Variants in CLCA2 observed in about 807,000 individuals in gnomAD.
CLCA2 encodes calcium-activated chloride channel regulator 2.
CLCA2 carries 85 observed loss-of-function variants against 82.9 expected under a neutral mutation model. The observed-to-expected ratio is 1.03, with a 90% confidence interval of 0.86 to 1.23. The LOEUF is 1.23. Among genes scored for constraint, CLCA2 ranks in the 50% most tolerant of loss-of-function variants. CLCA2 has a pLI of 0.00. For synonymous variants in CLCA2, 421 were observed against 391.7 expected, an observed-to-expected ratio of 1.07 and a Z score of -0.88; for missense variants, 1,089 against 1,124.8, an observed-to-expected ratio of 0.97 and a Z score of 0.45.
At chr1:86,444,185 A>C (rs1662801844) in intron 10 of CLCA2, among the ~76,000 whole-genome samples, 174 bp downstream of exon 10, 1 of 152,248 alleles carries the variant, frequency 6.6e-6, no homozygotes, top group African/African-American at 2.4e-5. Context: ...GGAATAACTA[A>C]GGTATATTCC....
chr1:86,435,540 G>A (rs1458934438), intron 6 of CLCA2, among the ~76,000 whole-genome samples: 1 of 152,186 alleles, frequency 6.6e-6, no homozygotes, highest in South Asian at 2.1e-4. Context: ...ACTGATTAAA[G>A]TCTTAGTCTC....
At position 86,441,504 on chromosome 1, in the gene CLCA2, T is replaced by A. The variant is rs1306659848; in HGVS notation, c.1449T>A (p.Ile483=). 1 of 1,612,246 alleles carries A rather than the reference T, an allele frequency of 6.2e-7. No individual in the cohort carries two copies. Among genetic ancestry groups the A allele is most frequent in the Admixed American group, 1.7e-5 (1 of 59,988 alleles). ...GCATGATTGATGCTTTCAGTAGAAT[T>A]TCCTCTGGAACTGGAGACATTTTCC... ...SNSMIDAFSR[I]SSGTGDIFQQ... Residue 483 remains isoleucine (I), a synonymous_variant, in exon 9 of 14, where the codon ATT becomes ATA. Coordinates refer to ENST00000370565, the MANE Select transcript of CLCA2 (RefSeq NM_006536.7).
chr1:86,455,327 G>GT lies in CLCA2; in HGVS notation c.2633dup (p.Ser879IlefsTer2). 1 of 1,613,746 alleles carries GT rather than the reference G, an allele frequency of 6.2e-7. No individual in the cohort carries two copies. Among genetic ancestry groups the GT allele is most frequent in the African/African-American group, 1.3e-5 (1 of 75,030 alleles). On this transcript the variant is annotated frameshift_variant, in exon 14 of 14. Transcript: ENST00000370565. LOFTEE classifies it low-confidence loss of function (END_TRUNC). ...GGATAGGAACTCCTTACAGTCTGCT[G>GT]TATCTAACATTGCCCAGGCGCCTCT...
rs1355272765 is a variant in CLCA2, at chr1:86,447,624, T to G, written c.1830T>G (p.Phe610Leu). The change falls in exon 11 of 14, where the codon TTT (phenylalanine) becomes TTG (leucine). Residue 610 changes from phenylalanine to leucine, a missense_variant. Physicochemically the swap from Phe to Leu is conservative, Grantham distance 22 (BLOSUM62 0). Transcript: ENST00000370565. The part of the protein sequence containing the change: ...SAVPPATVEA[F>L]VERDSLHFPH... Reference sequence around the variant, plus strand: ...TGCCCCCAGCCACTGTGGAAGCCTTTGTGGAAAGAGACAGCCTCCATTTTC... The same window carrying G: ...TGCCCCCAGCCACTGTGGAAGCCTTGGTGGAAAGAGACAGCCTCCATTTTC... 2.5e-6 allele frequency: 4 copies of G among 1,614,014 alleles called. No homozygotes were observed. In the African/African-American group the frequency reaches 5.3e-5, roughly 22 times the overall value.
At chr1:86,428,279 T>C in intron 2 of CLCA2, 139 bp from the exon 3 acceptor site, 1 of 731,120 alleles carries the variant, frequency 1.4e-6, no homozygotes, top group Non-Finnish European at 2.0e-6. Flanking sequence ...TCAATTTTGT[T>C]TTTAAATTGG....
At chr1:86,441,576 G>C (rs1388704833) in intron 9 of CLCA2, 33 bp downstream of exon 9, 1 of 1,425,276 alleles carries the variant, frequency 7.0e-7, no homozygotes, top group East Asian at 2.3e-5. Context: ...ATTTCCAGGT[G>C]GGGAGTGGGA....
chr1:86,433,854 A>G (rs1662547339), intron 5 of CLCA2, among the ~76,000 whole-genome samples: 1 of 152,230 alleles, frequency 6.6e-6, no homozygotes, highest in African/African-American at 2.4e-5. Flanking sequence ...GACTCTTTGT[A>G]GGAATAGAGC....
intron 7 of CLCA2, among the ~76,000 whole-genome samples, chr1:86,439,902 A>G (rs1013157627): frequency 6.6e-6 from 1 of 152,194 alleles, no homozygotes; most frequent in Middle Eastern, 3.2e-3. Flanking sequence ...CACATCTTCT[A>G]TGATGGATAC....
intron 6 of CLCA2, 67 bp from the exon 7 acceptor site, chr1:86,438,809 T>A: frequency 7.7e-7 from 1 of 1,299,204 alleles, no homozygotes; most frequent in East Asian, 2.3e-5. Flanking sequence ...GCTAATTGAG[T>A]TACTTCATCA....
At chr1:86,446,049 C>T (rs1043720451) in intron 10 of CLCA2, among the ~76,000 whole-genome samples, 14 of 152,150 alleles carry the variant, frequency 9.2e-5, no homozygotes, top group African/African-American at 3.1e-4. Context: ...CATGGACTCC[C>T]CCTGCTCCCA....
intron 2 of CLCA2, 27 bp downstream of exon 2, chr1:86,425,503 A>T: frequency 6.7e-7 from 1 of 1,488,222 alleles, no homozygotes; most frequent in Non-Finnish European, 9.0e-7. Context: ...TCATTCAATG[A>T]TCTCAAGGGG....
intron 13 of CLCA2, among the ~76,000 whole-genome samples, chr1:86,454,706 C>T (rs1048691675): frequency 3.9e-5 from 6 of 152,194 alleles, no homozygotes; most frequent in Admixed American, 3.3e-4. Flanking sequence ...GTAGGAGAAG[C>T]GCTTGAACCC....
At position 86,441,558 on chromosome 1, in the gene CLCA2, A is replaced by C. The variant is rs1662737980; in HGVS notation, c.1488+15A>C. ...AACATATTCAGGTCAGAATTTTCTC[A>C]ATGTTATATTTCCAGGTGGGGAGTG... On this transcript the variant is annotated intron_variant, in intron 9 of 13. Coordinates refer to ENST00000370565, the MANE Select transcript of CLCA2 (RefSeq NM_006536.7). The C allele has an allele frequency of 1.6e-4, 253 of 1,545,088 alleles. No homozygotes were observed. Among genetic ancestry groups the C allele is most frequent in the Non-Finnish European group, 2.1e-4 (231 of 1,119,176 alleles).
Position 86,455,318 on chromosome 1 carries a change from C to T in CLCA2, c.2623C>T (p.Gln875Ter). 6.2e-7 allele frequency: 1 copy of T among 1,613,954 alleles called. No individual in the cohort carries two copies. The highest frequency in any genetic ancestry group is 8.5e-7 in the Non-Finnish European group (1 of 1,179,958). ...ACGAGCAATGGATAGGAACTCCTTA[C>T]AGTCTGCTGTATCTAACATTGCCCA... ...AIRAMDRNSLQSAVSNIAQAP... is the reference protein window; with the variant it reads ...AIRAMDRNSL Residue 875 changes from glutamine to a stop codon, truncating the protein, a stop_gained, in exon 14 of 14, where the codon CAG (glutamine) becomes TAG (stop). Transcript: ENST00000370565. LOFTEE classifies it low-confidence loss of function (END_TRUNC).
intron 10 of CLCA2, among the ~76,000 whole-genome samples, chr1:86,446,373 A>C (rs1158372800): frequency 6.6e-6 from 1 of 151,988 alleles, no homozygotes; most frequent in African/African-American, 2.4e-5. Flanking sequence ...CTCCAAATTC[A>C]TCATGTTCTT....
chr1:86,450,463 T>C (rs1221790759), intron 11 of CLCA2, 100 bp from the exon 12 acceptor site: 2 of 889,422 alleles, frequency 2.2e-6, no homozygotes, highest in Non-Finnish European at 3.3e-6. Flanking sequence ...ATATATCTTA[T>C]ATAGAAAGAA....
In CLCA2 at chr1:86,455,613, CA is replaced by C; in HGVS notation, c.*90del. On this transcript the variant is annotated 3_prime_UTR_variant, in exon 14 of 14. Transcript: ENST00000370565. ...CATACTAACAAAGTCAAATTAACAT[CA>C]AAACTGTATTAAAATGCATTGAGTT... is the stretch of plus-strand genomic sequence containing the variant. The C allele has an allele frequency of 1.2e-6, 1 of 845,192 alleles. No homozygotes were observed. The allele number at this position is 845,192 out of a possible 1,614,324, so 52.4% of individuals were successfully genotyped here. A position where few individuals can be genotyped will look rare whatever the true frequency, so the allele number is the denominator to read the frequency against.
chr1:86,440,941 GAC>G (rs1662718047), intron 8 of CLCA2, among the ~76,000 whole-genome samples: 1 of 151,914 alleles, frequency 6.6e-6, no homozygotes, highest in Non-Finnish European at 1.5e-5. Context: ...CTATAATAGG[GAC>G]ACACACAGTG....
chr1:86,424,205 T>TGA lies in CLCA2; in HGVS notation c.-42_-41insAG. 1.3e-6 allele frequency: 2 copies of TGA among 1,562,028 alleles called. No individual in the cohort carries two copies. Among genetic ancestry groups the TGA allele is most frequent in the Non-Finnish European group, 1.7e-6 (2 of 1,152,782 alleles). On this transcript the variant is annotated 5_prime_UTR_variant, in exon 1 of 14. The change abolishes the stop of an existing upstream ORF in the 5' untranslated region. Coordinates refer to ENST00000370565, the MANE Select transcript of CLCA2 (RefSeq NM_006536.7). ...CATATTGAAAACCTGACACAATGTA[T>TGA]GCAGCAGGCTCAGTGTGAGTGAACT...
Sources: gnomAD v4.1 joint callset for allele counts (sites outside exome capture counted in the v4.1 genomes callset) on GRCh38, gnomAD v4.1.1 for gene constraint, MANE v1.5 for transcripts, NCBI Gene and HGNC (gene_info 2026-07-23, HGNC 2026-07-21) for gene names.